The following PCSK5 variants were observed in gnomAD, a reference collection of about 807,000 sequenced individuals.
PCSK5 encodes prohormone convertase 5.
Under a neutral mutation model 233.2 loss-of-function variants are expected in PCSK5, and 129 were observed. The ratio of observed to expected loss-of-function variants is 0.55; its 90% CI spans 0.48 to 0.64. The LOEUF (loss-of-function observed/expected upper bound fraction) is 0.64. Among genes scored for constraint, PCSK5 ranks in the 30% least tolerant of loss-of-function variants. PCSK5 has a pLI of 0.00. For synonymous variants in PCSK5, 825 were observed against 879.2 expected (o/e 0.94, Z 1.09); for missense variants, 2,076 against 2,430.1 (o/e 0.85, Z 3.06).
Position 75,891,379 on chromosome 9 carries a change from G to A in PCSK5, c.192+6G>A. ...GATTCATCAACATAGGACAGGTAACGAACTACAGGCTAGCCCAGCCCTCGG... is the reference window on the plus strand; with the variant it reads ...GATTCATCAACATAGGACAGGTAACAAACTACAGGCTAGCCCAGCCCTCGG... On this transcript the variant is annotated splice_donor_region_variant and intron_variant, in intron 1 of 37. Coordinates refer to ENST00000674117, the MANE Select transcript of PCSK5 (RefSeq NM_001372043.1). 2 of 1,545,410 alleles carry A rather than the reference G, an allele frequency of 1.3e-6. No individual in the cohort carries two copies. The highest frequency in any genetic ancestry group is 1.7e-6 in the Non-Finnish European group (2 of 1,152,284).
intron 2 of PCSK5, among the ~76,000 whole-genome samples, chr9:75,940,667 CTG>C (rs1405466513): frequency 2.0e-5 from 3 of 152,214 alleles, no homozygotes; most frequent in African/African-American, 4.8e-5. Context: ...AATGGAGTAA[CTG>C]GAGTACAGGA....
intron 33 of PCSK5, among the ~76,000 whole-genome samples, chr9:76,330,514 C>T (rs979369435): frequency 6.6e-6 from 1 of 151,524 alleles, no homozygotes; most frequent in African/African-American, 2.4e-5. Context: ...TTTGGGAGGT[C>T]GAGGCAGGAG....
intron 9 of PCSK5, among the ~76,000 whole-genome samples, chr9:76,123,584 C>T (rs1301450036): frequency 2.0e-5 from 3 of 152,108 alleles, no homozygotes; most frequent in Admixed American, 2.0e-4. Flanking sequence ...TTTTTATCCC[C>T]AGAAGAATTC....
Position 75,922,177 on chromosome 9 carries a change from A to G in PCSK5, c.193-10202A>G, listed in dbSNP as rs73650409. ...GTAGGGTACAAAAATGAAATTCAGC[A>G]TTCAACAGAAATATAGATTTCTGTC... On this transcript the variant is annotated intron_variant, in intron 1 of 37. Coordinates refer to ENST00000674117, the MANE Select transcript of PCSK5 (RefSeq NM_001372043.1). 9.0e-3 allele frequency among the ~76,000 whole-genome samples: 1,377 copies of G among 152,360 alleles called. 20 individuals are homozygous for G. The highest frequency in any genetic ancestry group is 0.031 in the African/African-American group (1,278 of 41,586).
intron 24 of PCSK5, among the ~76,000 whole-genome samples, chr9:76,244,991 T>G (rs929933946): frequency 6.6e-6 from 1 of 152,238 alleles, no homozygotes; most frequent in Non-Finnish European, 1.5e-5. Flanking sequence ...AGTTTTAAAT[T>G]ATATTTCTTC....
intron 20 of PCSK5, among the ~76,000 whole-genome samples, chr9:76,211,725 G>C (rs1825336180): frequency 6.6e-6 from 1 of 152,216 alleles, no homozygotes. Flanking sequence ...GTGCACGCCT[G>C]TGGTCCCAGC....
chr9:75,922,566 T>C (rs1329063466), intron 1 of PCSK5, among the ~76,000 whole-genome samples: 2 of 152,134 alleles, frequency 1.3e-5, no homozygotes, highest in East Asian at 1.9e-4. Flanking sequence ...GATGATGCCA[T>C]TGGGTTGTTG....
In PCSK5 at chr9:76,227,571, AC is replaced by A; in HGVS notation, c.2698del (p.Gln900ArgfsTer9). 6.2e-7 allele frequency: 1 copy of A among 1,611,650 alleles called. No homozygotes were observed. Among genetic ancestry groups the A allele is most frequent in the Non-Finnish European group, 8.5e-7 (1 of 1,179,330 alleles). ...CTCATGTGCCAAGTGCCAGGGACCA[AC>A]CCAGGAAGACTGCACTACCTGCCCC... ...EASCAKCQGP[T>X]QEDCTTCPMT... On this transcript the variant is annotated frameshift_variant, in exon 21 of 38. Coordinates refer to ENST00000674117, the MANE Select transcript of PCSK5 (RefSeq NM_001372043.1). LOFTEE classifies it high-confidence loss of function.
At chr9:76,182,909 T>C (rs1471006982) in intron 16 of PCSK5, among the ~76,000 whole-genome samples, 1 of 152,188 alleles carries the variant, frequency 6.6e-6, no homozygotes, top group East Asian at 1.9e-4. Flanking sequence ...CTCTTGCTTC[T>C]TAAGAAGTGA....
chr9:76,109,701 C>G (rs1381000018), intron 9 of PCSK5, among the ~76,000 whole-genome samples: 1 of 151,970 alleles, frequency 6.6e-6, no homozygotes, highest in Non-Finnish European at 1.5e-5. Context: ...ACAGTCCACT[C>G]TAATTGTGGG....
At chr9:76,153,438 G>T (rs574567178) in intron 10 of PCSK5, among the ~76,000 whole-genome samples, 199 of 152,270 alleles carry the variant, frequency 1.3e-3, no homozygotes, top group Non-Finnish European at 2.3e-3. Context: ...AATGTTAATA[G>T]TGCTCTGATT....
In PCSK5 at chr9:75,986,188, C is replaced by G; in HGVS notation, c.354C>G (p.Phe118Leu). ...VKKRTKRDYD[F>L]SRAQSTYFND... ...AGCGGACAAAGAGGGATTATGACTT[C>G]AGTCGTGCCCAGTCTACCTATTTCA... The change falls in exon 3 of 38, where the codon TTC becomes TTG. Residue 118 changes from phenylalanine (F) to leucine (L), a missense_variant. This residue lies in a region of PCSK5 where 190 missense variants were observed against 216.3 expected (regional missense o/e 0.88). Coordinates refer to ENST00000674117, the MANE Select transcript of PCSK5 (RefSeq NM_001372043.1). 6.2e-7 allele frequency: 1 copy of G among 1,613,864 alleles called. No homozygotes were observed. The highest frequency in any genetic ancestry group is 8.5e-7 in the Non-Finnish European group (1 of 1,179,714).
At chr9:76,205,878 C>A (rs1371418266) in intron 20 of PCSK5, among the ~76,000 whole-genome samples, 1 of 152,178 alleles carries the variant, frequency 6.6e-6, no homozygotes, top group East Asian at 1.9e-4. Context: ...ATACACCATA[C>A]CCACCCTTCC....
At chr9:76,088,035 A>G (rs943393664) in intron 7 of PCSK5, among the ~76,000 whole-genome samples, 1 of 152,230 alleles carries the variant, frequency 6.6e-6, no homozygotes, top group Non-Finnish European at 1.5e-5. Context: ...GCTAAGTAGC[A>G]TAGAATGTGA....
chr9:75,967,796 T>C (rs1250391047), intron 2 of PCSK5, among the ~76,000 whole-genome samples: 1 of 151,718 alleles, frequency 6.6e-6, no homozygotes, highest in African/African-American at 2.4e-5. Flanking sequence ...AGTTTCACTC[T>C]TGTTGCCGAG....
chr9:75,937,650 A>G (rs1383940201), intron 2 of PCSK5, among the ~76,000 whole-genome samples: 1 of 152,228 alleles, frequency 6.6e-6, no homozygotes, highest in Non-Finnish European at 1.5e-5. Flanking sequence ...CATAGGTGGC[A>G]TCTTCTTTCA....
At position 76,157,123 on chromosome 9, in the gene PCSK5, G is replaced by A. The variant is rs763309564; in HGVS notation, c.1391G>A (p.Arg464Gln). 1.9e-5 allele frequency: 31 copies of A among 1,613,488 alleles called. No homozygotes were observed. The African/African-American group carries it at 2.1e-4, about 11-fold the overall frequency. The change falls in exon 11 of 38, where the codon CGG (arginine) becomes CAG (glutamine). Residue 464 changes from arginine to glutamine, a missense_variant. Arg to Gln is a conservative substitution (Grantham distance 43). Coordinates refer to ENST00000674117, the MANE Select transcript of PCSK5 (RefSeq NM_001372043.1). Reference sequence around the variant, plus strand: ...GCAGAGAAGTGGACCACCGTTCCCCGGCAGCACGTGTGTGTGGAGAGCACA... The same window carrying A: ...GCAGAGAAGTGGACCACCGTTCCCCAGCAGCACGTGTGTGTGGAGAGCACA... ...MEAEKWTTVP[R>Q]QHVCVESTDR...
At chr9:76,289,560 A>C (rs1828216110) in intron 24 of PCSK5, among the ~76,000 whole-genome samples, 1 of 150,536 alleles carries the variant, frequency 6.6e-6, no homozygotes, top group African/African-American at 2.4e-5. Context: ...GAAGCCAGGA[A>C]AATTCATCTT....
At chr9:76,279,923 T>A in intron 24 of PCSK5, among the ~76,000 whole-genome samples, 1 of 152,008 alleles carries the variant, frequency 6.6e-6, no homozygotes, top group African/African-American at 2.4e-5. Flanking sequence ...TTTAATTAGA[T>A]CCCATTTGTC....
Sources: allele counts gnomAD v4.1 joint callset (sites outside exome capture counted in the v4.1 genomes callset), GRCh38; gene constraint gnomAD v4.1.1; regional missense constraint gnomAD v4.1.1; transcripts MANE v1.5; gene names NCBI Gene and HGNC (gene_info 2026-07-23, HGNC 2026-07-21).